The following SLC10A7 variants were observed in gnomAD, a reference collection of about 807,000 sequenced individuals.
SLC10A7 encodes sodium/bile acid cotransporter 7.
SLC10A7 carries 29 observed loss-of-function variants against 43.2 expected under a neutral mutation model. The ratio of observed to expected loss-of-function variants is 0.67; its 90% CI spans 0.50 to 0.92. The LOEUF (loss-of-function observed/expected upper bound fraction) is 0.92, where lower values mean the gene tolerates loss of function less well. Ranked by LOEUF, SLC10A7 falls within the 40% of genes least tolerant of loss-of-function variation. The pLI is 0.00. For synonymous variants in SLC10A7, 152 were observed against 144.8 expected (o/e 1.05, Z -0.35); for missense variants, 295 against 403.2 (o/e 0.73, Z 2.30).
At chr4:146,295,655 G>A (rs1730732870) in intron 7 of SLC10A7, among the ~76,000 whole-genome samples, 1 of 152,034 alleles carries the variant, frequency 6.6e-6, no homozygotes, top group Non-Finnish European at 1.5e-5. Context: ...AGGGTTGGTG[G>A]GTAGCTGGTC....
At chr4:146,487,816 T>C (rs1579315335) in intron 4 of SLC10A7, among the ~76,000 whole-genome samples, 1 of 151,916 alleles carries the variant, frequency 6.6e-6, no homozygotes, top group Non-Finnish European at 1.5e-5. Flanking sequence ...GAGGCCAAGG[T>C]AGGAGGATTG....
chr4:146,297,030 T>C (rs961428456), intron 7 of SLC10A7, among the ~76,000 whole-genome samples: 1 of 152,128 alleles, frequency 6.6e-6, no homozygotes, highest in East Asian at 1.9e-4. Flanking sequence ...CAACCTGATA[T>C]AGATGCCTCA....
intron 4 of SLC10A7, among the ~76,000 whole-genome samples, chr4:146,476,521 G>T (rs1463245440): frequency 3.3e-5 from 5 of 152,022 alleles, no homozygotes; most frequent in Non-Finnish European, 5.9e-5. Flanking sequence ...ATGTGTCTTG[G>T]GGTGAACGGT....
intron 4 of SLC10A7, among the ~76,000 whole-genome samples, chr4:146,460,755 T>G (rs1423333306): frequency 1.3e-5 from 2 of 152,016 alleles, no homozygotes. Flanking sequence ...TTATACAATT[T>G]TATACATATT....
At chr4:146,507,493 A>G (rs1050925450) in intron 3 of SLC10A7, among the ~76,000 whole-genome samples, 3 of 152,142 alleles carry the variant, frequency 2.0e-5, no homozygotes, top group Admixed American at 1.3e-4. Context: ...CCCGGGAGGC[A>G]GAGGTTGCAG....
intron 10 of SLC10A7, among the ~76,000 whole-genome samples, chr4:146,274,102 G>A (rs1327718676): frequency 6.6e-6 from 1 of 151,892 alleles, no homozygotes; most frequent in East Asian, 1.9e-4. Flanking sequence ...CCCTCAGCTT[G>A]CCAGGAAGAC....
intron 5 of SLC10A7, chr4:146,441,808 A>T (rs2149889866): frequency 1.0e-6 from 1 of 985,338 alleles, no homozygotes; most frequent in Middle Eastern, 5.2e-4. Flanking sequence ...AGGCTATGTG[A>T]CACTAAAAGC....
In SLC10A7 at chr4:146,451,251, CA is replaced by C. The variant is rs1202857042; in HGVS notation, c.397-8431del. On this transcript the variant is annotated intron_variant, in intron 4 of 11. Transcript: ENST00000335472. ...CCCACCAAAAAAAAAAAAAAAAAAA[CA>C]AAAAAAAACCAGGACCAGCTGGCTT... Among the ~76,000 whole-genome samples the C allele has an allele frequency of 1.8e-4, 17 of 92,468 alleles. No individual in the cohort carries two copies. The South Asian group carries it at 3.1e-3, about 17-fold the overall frequency. 60.7% of individuals were successfully genotyped at this position (92,468 alleles called of 152,430 possible).
intron 5 of SLC10A7, chr4:146,442,316 C>T (rs1310643086): frequency 2.0e-6 from 2 of 985,558 alleles, no homozygotes; most frequent in Non-Finnish European, 1.2e-6. Flanking sequence ...TTTTTTTTCA[C>T]ATAGATTTCT....
At chr4:146,377,145 T>C (rs1737258823) in intron 5 of SLC10A7, among the ~76,000 whole-genome samples, 1 of 152,214 alleles carries the variant, frequency 6.6e-6, no homozygotes, top group Admixed American at 6.5e-5. Flanking sequence ...CACAGGTCTT[T>C]GAATAAATTT....
At chr4:146,288,060 G>A (rs1227751693) in intron 9 of SLC10A7, among the ~76,000 whole-genome samples, 1 of 152,216 alleles carries the variant, frequency 6.6e-6, no homozygotes, top group Non-Finnish European at 1.5e-5. Flanking sequence ...TAAAGCTAGG[G>A]CCACACTGGG....
intron 5 of SLC10A7, among the ~76,000 whole-genome samples, chr4:146,391,289 C>A (rs993533240): frequency 6.6e-5 from 10 of 152,122 alleles, no homozygotes; most frequent in African/African-American, 2.2e-4. Flanking sequence ...GTGAACACTG[C>A]AAATGTGTTA....
At chr4:146,270,508 G>C (rs976499411) in intron 10 of SLC10A7, among the ~76,000 whole-genome samples, 1 of 152,188 alleles carries the variant, frequency 6.6e-6, no homozygotes, top group African/African-American at 2.4e-5. Flanking sequence ...CCACACATTG[G>C]AATCACCTGG....
intron 5 of SLC10A7, among the ~76,000 whole-genome samples, chr4:146,388,975 T>C (rs1738217947): frequency 6.6e-6 from 1 of 152,136 alleles, no homozygotes; most frequent in African/African-American, 2.4e-5. Context: ...GAGAAAATAT[T>C]TGCAAGCTAT....
At position 146,314,354 on chromosome 4, in the gene SLC10A7, G is replaced by A. The variant is rs1000130204; in HGVS notation, c.472-8345C>T. ...TAATTGGAGAGACAGTCAGATCAAGGGAACATATAGTTAGCCTAGAAACAG... is the reference window on the plus strand; with the variant it reads ...TAATTGGAGAGACAGTCAGATCAAGAGAACATATAGTTAGCCTAGAAACAG... On this transcript the variant is annotated intron_variant, in intron 6 of 11. Coordinates refer to ENST00000335472, the MANE Select transcript of SLC10A7 (RefSeq NM_001029998.6). Among the ~76,000 whole-genome samples, 8 of 152,176 alleles carry A rather than the reference G, an allele frequency of 5.3e-5. No individual in the cohort carries two copies. The South Asian group carries it at 1.0e-3, about 20-fold the overall frequency.
intron 5 of SLC10A7, among the ~76,000 whole-genome samples, chr4:146,424,977 C>T (rs1022071234): frequency 2.0e-4 from 30 of 152,074 alleles, no homozygotes; most frequent in African/African-American, 7.0e-4. Context: ...AAAGTTCTGG[C>T]TGTGCACCAG....
intron 2 of SLC10A7, among the ~76,000 whole-genome samples, chr4:146,511,201 T>G (rs1737434786): frequency 2.0e-5 from 3 of 152,230 alleles, no homozygotes; most frequent in Admixed American, 1.3e-4. Flanking sequence ...AGGCACACGT[T>G]ATGAGTTTAA....
At chr4:146,358,041 C>T (rs1469485143) in intron 5 of SLC10A7, among the ~76,000 whole-genome samples, 1 of 148,904 alleles carries the variant, frequency 6.7e-6, no homozygotes, top group African/African-American at 2.5e-5. Context: ...TAATGAAGCA[C>T]GATCACTGAA....
intron 5 of SLC10A7, among the ~76,000 whole-genome samples, chr4:146,332,038 G>C (rs1294728042): frequency 2.0e-5 from 3 of 152,170 alleles, no homozygotes; most frequent in Non-Finnish European, 4.4e-5. Context: ...AGAGACATTA[G>C]GAGCCTAGGG....
Sources: allele counts gnomAD v4.1 joint callset (sites outside exome capture counted in the v4.1 genomes callset), GRCh38; gene constraint gnomAD v4.1.1; transcripts MANE v1.5; gene names NCBI Gene and HGNC (gene_info 2026-07-23, HGNC 2026-07-21).